The following CCSER1 variants were observed in gnomAD, a reference collection of about 807,000 sequenced individuals.
CCSER1 encodes coiled-coil serine rich protein 1.
Under a neutral mutation model 82.0 loss-of-function variants are expected in CCSER1, and 41 were observed. The observed-to-expected ratio is 0.50, with a 90% confidence interval of 0.39 to 0.65. The LOEUF (loss-of-function observed/expected upper bound fraction) is 0.65. Among genes scored for constraint, CCSER1 ranks in the 30% least tolerant of loss-of-function variants. CCSER1 has a pLI of 0.00. For synonymous variants in CCSER1, 414 were observed against 383.9 expected (o/e 1.08, Z -0.92); for missense variants, 1,119 against 1,064.2 (o/e 1.05, Z -0.72).
At chr4:91,336,077 T>C (rs1747305989) in intron 10 of CCSER1, among the ~76,000 whole-genome samples, 2 of 152,094 alleles carry the variant, frequency 1.3e-5, no homozygotes, top group South Asian at 4.1e-4. Flanking sequence ...GAGGAGGGTA[T>C]ATGTACATAG....
At chr4:90,591,464 G>A (rs769690394) in intron 5 of CCSER1, among the ~76,000 whole-genome samples, 4 of 152,098 alleles carry the variant, frequency 2.6e-5, no homozygotes, top group Non-Finnish European at 5.9e-5. Context: ...TTAGAGAAAT[G>A]CATATCAAAA....
chr4:90,139,080 G>C lies in CCSER1; in HGVS notation c.-42+11249G>C, dbSNP rs1036463834. Among the ~76,000 whole-genome samples the C allele has an allele frequency of 3.9e-5, 6 of 152,110 alleles. No individual in the cohort carries two copies. The East Asian group carries it at 9.6e-4, about 24-fold the overall frequency. ...TGTTTCTTCTAGTAGCCATGTTAGT[G>C]ACATCCTAGCTTGCTACACAGAGTG... On this transcript the variant is annotated intron_variant, in intron 1 of 10. Coordinates refer to ENST00000509176, the MANE Select transcript of CCSER1 (RefSeq NM_001145065.2).
rs1723655134 is a variant in CCSER1, at chr4:90,628,059, CA to C, written c.1761del (p.Glu588LysfsTer29). On this transcript the variant is annotated frameshift_variant, in exon 6 of 11. Transcript: ENST00000509176. LOFTEE classifies it high-confidence loss of function. The part of the protein sequence containing the change: ...LSLKLTKDVD[Q>X]EARCSHISRM... ...CCTGAAATTAACAAAGGACGTTGAT[CA>C]AGAAGCCAGGTGTTCCCACATCAGC... 1 of 1,613,072 alleles carries C rather than the reference CA, an allele frequency of 6.2e-7. No individual in the cohort carries two copies. The highest frequency in any genetic ancestry group is 8.5e-7 in the Non-Finnish European group (1 of 1,179,604).
At chr4:90,884,899 G>T (rs1721891692) in intron 8 of CCSER1, among the ~76,000 whole-genome samples, 1 of 151,948 alleles carries the variant, frequency 6.6e-6, no homozygotes, top group Non-Finnish European at 1.5e-5. Context: ...TGAAATATAG[G>T]CAATAGAAGA....
At chr4:90,162,756 T>C (rs892369507) in intron 1 of CCSER1, among the ~76,000 whole-genome samples, 2 of 152,022 alleles carry the variant, frequency 1.3e-5, no homozygotes, top group Non-Finnish European at 2.9e-5. Flanking sequence ...CCAAAAAAAA[T>C]TCATTTTTTT....
chr4:91,312,508 C>T (rs1448053612), intron 10 of CCSER1, among the ~76,000 whole-genome samples: 1 of 151,726 alleles, frequency 6.6e-6, no homozygotes, highest in Admixed American at 6.6e-5. Context: ...ATGAAACATA[C>T]CAACCAGTGG....
chr4:90,692,035 G>A (rs11939886), intron 6 of CCSER1, among the ~76,000 whole-genome samples: 55 of 142,950 alleles, frequency 3.8e-4, no homozygotes, highest in East Asian at 2.4e-3. Context: ...TTCAATGTGT[G>A]TATATATATA....
intron 10 of CCSER1, among the ~76,000 whole-genome samples, chr4:91,312,625 T>G (rs1287643137): frequency 2.0e-5 from 3 of 151,920 alleles, no homozygotes; most frequent in Non-Finnish European, 4.4e-5. Context: ...TGGTGGACTT[T>G]AAACTTGGAT....
intron 3 of CCSER1, among the ~76,000 whole-genome samples, chr4:90,314,422 T>G (rs967937619): frequency 3.9e-5 from 6 of 152,178 alleles, no homozygotes; most frequent in African/African-American, 1.4e-4. Flanking sequence ...ACATTTTCAG[T>G]ATTTCTTCAT....
chr4:91,378,242 T>TC (rs1750585445), intron 10 of CCSER1, among the ~76,000 whole-genome samples: 1 of 152,208 alleles, frequency 6.6e-6, no homozygotes, highest in African/African-American at 2.4e-5. Context: ...GGCTCTTTTG[T>TC]GGTTCCATAT....
chr4:90,491,369 A>G (rs1767980827), intron 5 of CCSER1, among the ~76,000 whole-genome samples: 1 of 152,108 alleles, frequency 6.6e-6, no homozygotes, highest in Non-Finnish European at 1.5e-5. Flanking sequence ...CATTGATTTT[A>G]TATCCTGAGA....
intron 10 of CCSER1, among the ~76,000 whole-genome samples, chr4:91,166,579 A>T (rs1166778627): frequency 6.6e-6 from 1 of 152,252 alleles, no homozygotes; most frequent in Non-Finnish European, 1.5e-5. Context: ...AGCAAACTTA[A>T]TTGAGCATTC....
At chr4:90,913,614 A>T (rs1726793128) in intron 8 of CCSER1, among the ~76,000 whole-genome samples, 1 of 152,172 alleles carries the variant, frequency 6.6e-6, no homozygotes, top group Non-Finnish European at 1.5e-5. Flanking sequence ...TAACATCATA[A>T]TGACAGGATC....
At chr4:91,383,557 G>A (rs536186969) in intron 10 of CCSER1, among the ~76,000 whole-genome samples, 1 of 152,088 alleles carries the variant, frequency 6.6e-6, no homozygotes, top group East Asian at 1.9e-4. Context: ...TAAGAGTTTA[G>A]GATAAATAGT....
intron 1 of CCSER1, among the ~76,000 whole-genome samples, chr4:90,218,955 T>C (rs954849232): frequency 1.3e-5 from 2 of 152,174 alleles, no homozygotes. Context: ...AGATTTGATA[T>C]TGATGATCAA....
rs1241916308 is a variant in CCSER1, at chr4:90,156,761, G to A, written c.-42+28930G>A. Among the ~76,000 whole-genome samples, 5 of 151,874 alleles carry A rather than the reference G, an allele frequency of 3.3e-5. No individual in the cohort carries two copies. The East Asian group carries it at 5.8e-4, about 18-fold the overall frequency. On this transcript the variant is annotated intron_variant, in intron 1 of 10. Transcript: ENST00000509176. ...CTCTATCCTTTTATTTTGAGCCTAT[G>A]TGTGTCTCTGCACATGAGATGGGTT...
At chr4:91,544,035 G>T (rs184319960) in intron 10 of CCSER1, among the ~76,000 whole-genome samples, 1 of 151,668 alleles carries the variant, frequency 6.6e-6, no homozygotes, top group Non-Finnish European at 1.5e-5. Flanking sequence ...TTCTCTTCTC[G>T]CTCCATTTCA....
chr4:90,694,637 T>C (rs1736653710), intron 6 of CCSER1, among the ~76,000 whole-genome samples: 1 of 152,056 alleles, frequency 6.6e-6, no homozygotes, highest in Admixed American at 6.6e-5. Flanking sequence ...CTTGTTGTTT[T>C]CCTCAAGAAA....
intron 8 of CCSER1, among the ~76,000 whole-genome samples, chr4:90,835,417 C>G (rs1186219636): frequency 2.6e-5 from 4 of 152,158 alleles, no homozygotes; most frequent in Admixed American, 6.5e-5. Flanking sequence ...CATATTTGAG[C>G]TTCTAAATGC....
Sources: allele counts gnomAD v4.1 joint callset (sites outside exome capture counted in the v4.1 genomes callset), GRCh38; gene constraint gnomAD v4.1.1; transcripts MANE v1.5; gene names NCBI Gene and HGNC (gene_info 2026-07-23, HGNC 2026-07-21).